MYO18A: variants seen among roughly 807,000 people sequenced by gnomAD.
MYO18A encodes unconventional myosin-XVIIIa.
Under a neutral mutation model 235.8 loss-of-function variants are expected in MYO18A, and 78 were observed. That is an observed-to-expected ratio of 0.33 (90% confidence interval 0.28 to 0.40). The LOEUF (loss-of-function observed/expected upper bound fraction) is 0.40. MYO18A is among the 10% of genes least tolerant of loss of function. The probability of loss-of-function intolerance (pLI) is 1.00; values close to 1 mark genes in which losing one functional copy is unlikely to be tolerated. For synonymous variants in MYO18A, 977 were observed against 1,077.8 expected, an observed-to-expected ratio of 0.91 and a Z score of 1.83; for missense variants, 2,215 against 2,699.3, an observed-to-expected ratio of 0.82 and a Z score of 3.98.
intron 20 of MYO18A, among the ~76,000 whole-genome samples, chr17:29,104,322 C>T (rs538436004): frequency 5.9e-5 from 9 of 152,206 alleles, no homozygotes; most frequent in South Asian, 2.1e-4. Flanking sequence ...GAGGAGAACA[C>T]GCAGCAGGTG....
intron 2 of MYO18A, chr17:29,128,566 T>C (rs1248119050): frequency 8.2e-7 from 1 of 1,215,172 alleles, no homozygotes; most frequent in Non-Finnish European, 1.0e-6. Flanking sequence ...CAAATACAGG[T>C]AGACATTAGC....
chr17:29,174,694 C>T (rs2068483698), intron 1 of MYO18A, among the ~76,000 whole-genome samples: 1 of 151,982 alleles, frequency 6.6e-6, no homozygotes, highest in Admixed American at 6.6e-5. Context: ...CACCTGTAAT[C>T]CCAGCTACTC....
Position 29,098,912 on chromosome 17 carries a change from T to C in MYO18A, c.3694A>G (p.Lys1232Glu). 6.2e-7 allele frequency: 1 copy of C among 1,613,918 alleles called. No homozygotes were observed. ...QKNIKKNKGVKDWPWWKLFTT... is the reference protein window; with the variant it reads ...QKNIKKNKGVEDWPWWKLFTT... ...AAAAGCTTCCACCAGGGCCAGTCCT[T>C]CACCCCTTTGTTCTTCTTGATGTTC... Residue 1232 changes from lysine to glutamate, a missense_variant, in exon 23 of 42, where the codon AAG becomes GAG. Lys to Glu is a moderately conservative substitution (Grantham distance 56). Coordinates refer to ENST00000527372, the MANE Select transcript of MYO18A (RefSeq NM_078471.4).
rs957287991 is a variant in MYO18A at position 29,086,856 on chromosome 17, A to T, written c.5712+80T>A. The T allele has an allele frequency of 5.5e-6, 8 of 1,457,944 alleles. No individual in the cohort carries two copies. The African/African-American group carries it at 1.1e-4, about 21-fold the overall frequency. The allele number at this position is 1,457,944 out of a possible 1,614,324, so 90.3% of individuals were successfully genotyped here. On this transcript the variant is annotated intron_variant, in intron 38 of 41. Transcript: ENST00000527372. ...GCAGTTTCTTTGCACCCTATCCTCAACCAGGCCAGAGTGAGGCATACACTC... is the reference window on the plus strand; with the variant it reads ...GCAGTTTCTTTGCACCCTATCCTCATCCAGGCCAGAGTGAGGCATACACTC...
chr17:29,165,871 T>C, intron 2 of MYO18A, 71 bp downstream of exon 2: 1 of 1,407,492 alleles, frequency 7.1e-7, no homozygotes, highest in Non-Finnish European at 9.7e-7. Context: ...GGTACCCCGA[T>C]TACCCAGTCA....
At chr17:29,076,720 G>A (rs2065988919) in intron 41 of MYO18A, 1 of 152,216 alleles carries the variant, frequency 6.6e-6, no homozygotes, top group African/African-American at 2.4e-5. Context: ...TAGCTTTGGG[G>A]TTGTTTGAAT....
rs779516933 is a variant in MYO18A at position 29,089,951 on chromosome 17, G to A, written c.5526+10C>T. On this transcript the variant is annotated intron_variant, in intron 37 of 41. Coordinates refer to ENST00000527372, the MANE Select transcript of MYO18A (RefSeq NM_078471.4). Reference sequence around the variant, plus strand: ...CTGTTTGGTGTGGCCCGGGAGAAGTGTGAACCCACCTCCAGCCGTTTCACT... The same window carrying A: ...CTGTTTGGTGTGGCCCGGGAGAAGTATGAACCCACCTCCAGCCGTTTCACT... The A allele has an allele frequency of 1.9e-6, 3 of 1,614,026 alleles. No individual in the cohort carries two copies. Among genetic ancestry groups the A allele is most frequent in the Non-Finnish European group, 2.5e-6 (3 of 1,179,872 alleles).
intron 2 of MYO18A, among the ~76,000 whole-genome samples, chr17:29,153,667 C>T (rs906219381): frequency 1.3e-4 from 20 of 152,134 alleles, no homozygotes; most frequent in African/African-American, 3.6e-4. Flanking sequence ...AGGGCCCTCT[C>T]TCTCTCTCCT....
At chr17:29,145,167 C>T (rs973767281) in intron 2 of MYO18A, among the ~76,000 whole-genome samples, 2 of 152,154 alleles carry the variant, frequency 1.3e-5, no homozygotes, top group Non-Finnish European at 2.9e-5. Context: ...AGAGCTGGGA[C>T]CATTTCCTAC....
chr17:29,072,530 A>G lies in MYO18A; in HGVS notation c.*2240T>C, dbSNP rs2065896859. 1 of 152,192 alleles carries G rather than the reference A, an allele frequency of 6.6e-6. No individual in the cohort carries two copies. Among genetic ancestry groups the G allele is most frequent in the Non-Finnish European group, 1.5e-5 (1 of 68,066 alleles). 9.4% of individuals were successfully genotyped at this position (152,192 alleles called of 1,614,324 possible). ...GCGACATAGCAAGACTCTGTCTCCA[A>G]AAGACAAGTAACTTCCCTTTTACTA... On this transcript the variant is annotated 3_prime_UTR_variant, in exon 42 of 42. Transcript: ENST00000527372.
chr17:29,167,854 G>C (rs772952362), intron 1 of MYO18A, among the ~76,000 whole-genome samples: 1 of 152,114 alleles, frequency 6.6e-6, no homozygotes, highest in Non-Finnish European at 1.5e-5. Context: ...CTTAGCCACC[G>C]CCTAACAGAA....
At chr17:29,085,501 GT>G in intron 40 of MYO18A, 102 bp downstream of exon 40, 1 of 992,860 alleles carries the variant, frequency 1.0e-6, no homozygotes, top group South Asian at 1.4e-5. Context: ...TGGGGAGGCT[GT>G]ATCCACATGC....
Position 29,114,054 on chromosome 17 carries a change from T to C in MYO18A, c.2555A>G (p.Asp852Gly). The C allele has an allele frequency of 6.2e-7, 1 of 1,604,370 alleles. No individual in the cohort carries two copies. The highest frequency in any genetic ancestry group is 8.5e-7 in the Non-Finnish European group (1 of 1,175,720). ...CTGGTCCACAGCAGCCACAGAGTCA[T>C]CCGTCGGGGGTTCCAAGTCGTCAAA... ...LAFDDLEPPT[D>G]DSVAAVDQAS... Residue 852 changes from aspartate (D) to glycine (G), a missense_variant, in exon 15 of 42, where the codon GAT (aspartate) becomes GGT (glycine). By Grantham distance (94) the Asp-to-Gly change is moderately conservative. Coordinates refer to ENST00000527372, the MANE Select transcript of MYO18A (RefSeq NM_078471.4).
At chr17:29,119,869 CTTG>C (rs1226177576) in intron 7 of MYO18A, among the ~76,000 whole-genome samples, 1 of 151,094 alleles carries the variant, frequency 6.6e-6, no homozygotes. Context: ...CAACCTGCAT[CTTG>C]TTTTTTAAGT....
Position 29,074,419 on chromosome 17 carries a change from TGTCCACC to T in MYO18A, c.*344_*350del, listed in dbSNP as rs2065928370. ...ACCTAGAGTGTCCCAGTAGGCAACC[TGTCCACC>T]GTCCCTGAGCAGGGAGCTGAGAGGG... is the stretch of plus-strand genomic sequence containing the variant. On this transcript the variant is annotated 3_prime_UTR_variant, in exon 42 of 42. Transcript: ENST00000527372. This position sits in a 1 kb window ranked among gnomAD's most constrained non-coding sequence, Gnocchi z 4.4. 1.7e-6 allele frequency: 1 copy of T among 596,774 alleles called. No individual in the cohort carries two copies. Among genetic ancestry groups the T allele is most frequent in the African/African-American group, 1.9e-5 (1 of 53,684 alleles). The allele number at this position is 596,774 out of a possible 1,614,324, so 37.0% of individuals were successfully genotyped here.
intron 40 of MYO18A, among the ~76,000 whole-genome samples, chr17:29,084,480 G>A (rs1001040058): frequency 7.2e-5 from 11 of 152,136 alleles, no homozygotes; most frequent in Admixed American, 7.2e-4. Context: ...ACAAACTCCA[G>A]GGGCAGGCAG....
intron 22 of MYO18A, 103 bp from the exon 23 acceptor site, chr17:29,099,072 C>T: frequency 2.1e-6 from 3 of 1,409,672 alleles, no homozygotes; most frequent in Middle Eastern, 2.6e-4. Flanking sequence ...CAGGGCTGCT[C>T]CTCTGGCCCC....
intron 37 of MYO18A, among the ~76,000 whole-genome samples, chr17:29,089,322 G>A (rs2152748471): frequency 6.8e-6 from 1 of 147,998 alleles, no homozygotes; most frequent in Middle Eastern, 3.5e-3. Flanking sequence ...TCGGGAGGCT[G>A]AGGCAGGGGA....
intron 2 of MYO18A, chr17:29,155,282 G>A (rs2068043440): frequency 6.6e-6 from 1 of 152,352 alleles, no homozygotes; most frequent in South Asian, 2.1e-4. Context: ...ATTGCAACAA[G>A]GCTCTGGGGA....
Sources: gnomAD v4.1 joint callset for allele counts (sites outside exome capture counted in the v4.1 genomes callset) on GRCh38, gnomAD v4.1.1 for gene constraint, Gnocchi (gnomAD v3.1) non-coding constraint, MANE v1.5 for transcripts, NCBI Gene and HGNC (gene_info 2026-07-23, HGNC 2026-07-21) for gene names.